HMGCS2: variants seen among roughly 807,000 people sequenced by gnomAD.
HMGCS2 encodes 3-hydroxy-3-methylglutaryl-CoA synthase 2.
HMGCS2 carries 50 observed loss-of-function variants against 57.4 expected under a neutral mutation model. That is an observed-to-expected ratio of 0.87 (90% CI 0.69 to 1.10). HMGCS2 has a LOEUF of 1.10. Ranked by LOEUF, HMGCS2 falls within the 50% of genes least tolerant of loss-of-function variation. The pLI is 0.00. For missense variants in HMGCS2, 627 were observed against 636.5 expected (o/e 0.99, Z 0.16); for synonymous variants, 254 against 245.1 (o/e 1.04, Z -0.34).
intron 2 of HMGCS2, 80 bp downstream of exon 2, chr1:119,764,092 G>A: frequency 8.1e-7 from 1 of 1,236,546 alleles, no homozygotes; most frequent in Non-Finnish European, 1.2e-6. Context: ...AAGCCACCTG[G>A]GGAACTGAAA....
intron 8 of HMGCS2, 87 bp downstream of exon 8, chr1:119,752,462 T>A (rs1652692004): frequency 1.9e-5 from 27 of 1,416,230 alleles, no homozygotes; most frequent in Non-Finnish European, 2.7e-5. Context: ...GACCCTGGAC[T>A]ACTAAATTCT....
At chr1:119,750,696 C>T (rs1652625060) in intron 9 of HMGCS2, 101 bp downstream of exon 9, 2 of 763,188 alleles carry the variant, frequency 2.6e-6, no homozygotes, top group African/African-American at 1.7e-5. Context: ...TTCCATTAAA[C>T]TTTCTTCTCC....
chr1:119,749,459 C>T (rs1652576372), intron 9 of HMGCS2, among the ~76,000 whole-genome samples: 1 of 150,314 alleles, frequency 6.7e-6, no homozygotes, highest in South Asian at 2.2e-4. Flanking sequence ...ATTTAACAGC[C>T]CCTCTTTGCT....
chr1:119,764,596 G>A lies in HMGCS2; in HGVS notation c.135C>T (p.Ala45=), dbSNP rs200816212. The change falls in exon 2 of 10, where the codon GCC becomes GCT. Residue 45 remains alanine (A), a synonymous_variant. Transcript: ENST00000369406. ...CGTCCTTTGGCCAAGTATCTGTTTTGGCCAGGGGGACAGCAGAGGCTGTAG... is the reference window on the plus strand; with the variant it reads ...CGTCCTTTGGCCAAGTATCTGTTTTAGCCAGGGGGACAGCAGAGGCTGTAG... The part of the protein sequence containing the change: ...RFSTASAVPL[A]KTDTWPKDVG... The A allele has an allele frequency of 4.3e-6, 7 of 1,613,972 alleles. No individual in the cohort carries two copies. In the Admixed American group the frequency reaches 1.2e-4, roughly 27 times the overall value.
chr1:119,752,427 C>T (rs1363049060), intron 8 of HMGCS2, 122 bp downstream of exon 8: 2 of 1,111,874 alleles, frequency 1.8e-6, no homozygotes, highest in Non-Finnish European at 2.7e-6. Flanking sequence ...CAAATCTTCT[C>T]CCAACCATAT....
At chr1:119,757,221 CCTT>C (rs1341264115) in intron 5 of HMGCS2, 49 bp downstream of exon 5, 49 of 1,613,134 alleles carry the variant, frequency 3.0e-5, no homozygotes, top group Non-Finnish European at 3.4e-6. Context: ...GAAGAAGCCT[CCTT>C]CTTGCTCACA....
rs760743623 is a variant in HMGCS2, at chr1:119,752,688, G to A, written c.1295-14C>T. On this transcript the variant is annotated splice_polypyrimidine_tract_variant and intron_variant, in intron 7 of 9. Transcript: ENST00000369406. ...CCAGGGGAGAGCCTGGGAAGCAAAA[G>A]CAAGATTGTTACACCTTTTTCATTG... is the stretch of plus-strand genomic sequence containing the variant. 1.2e-6 allele frequency: 2 copies of A among 1,613,900 alleles called. No individual in the cohort carries two copies. Among genetic ancestry groups the A allele is most frequent in the African/African-American group, 2.7e-5 (2 of 75,030 alleles).
chr1:119,752,253 C>T (rs905979577), intron 8 of HMGCS2, among the ~76,000 whole-genome samples: 1 of 152,152 alleles, frequency 6.6e-6, no homozygotes, highest in Non-Finnish European at 1.5e-5. Context: ...TCAACTGTTG[C>T]AGATGGTATT....
chr1:119,749,744 T>C (rs917316563), intron 9 of HMGCS2, among the ~76,000 whole-genome samples: 21 of 152,084 alleles, frequency 1.4e-4, no homozygotes, highest in African/African-American at 5.1e-4. Context: ...ACCCACTGAC[T>C]TCTTCCTTCC....
Position 119,765,926 on chromosome 1 carries a change from G to T in HMGCS2, c.105-1300C>A, listed in dbSNP as rs180803835. Among the ~76,000 whole-genome samples the T allele has an allele frequency of 9.2e-5, 14 of 152,278 alleles. No individual in the cohort carries two copies. The East Asian group carries it at 2.5e-3, about 27-fold the overall frequency. On this transcript the variant is annotated intron_variant, in intron 1 of 9. Transcript: ENST00000369406. Reference sequence around the variant, plus strand: ...AAGACATGCATTGTGCCCATAAAGAGAGCACAGCCCAGTGAAAGAAGCAGA... The same window carrying T: ...AAGACATGCATTGTGCCCATAAAGATAGCACAGCCCAGTGAAAGAAGCAGA...
chr1:119,748,387 TTC>T lies in HMGCS2; in HGVS notation c.*458_*459del, dbSNP rs1450484328. ...AAGAAACGCAGGAATCATTTCCTCT[TTC>T]TCTCTTTTTAATTGCTATATATTAG... On this transcript the variant is annotated 3_prime_UTR_variant, in exon 10 of 10. Transcript: ENST00000369406. The T allele has an allele frequency of 7.9e-5, 12 of 152,248 alleles. No individual in the cohort carries two copies. Among genetic ancestry groups the T allele is most frequent in the African/African-American group, 2.7e-4 (11 of 41,464 alleles). The allele number at this position is 152,248 out of a possible 1,614,324, so 9.4% of individuals were successfully genotyped here. A position where few individuals can be genotyped will look rare whatever the true frequency, so the allele number is the denominator to read the frequency against.
chr1:119,757,473 T>C (rs769672761), intron 4 of HMGCS2, 35 bp from the exon 5 acceptor site: 71 of 1,614,000 alleles, frequency 4.4e-5, no homozygotes, highest in Non-Finnish European at 5.4e-5. Flanking sequence ...GGATGGGGCA[T>C]GAGGGGCGAG....
At chr1:119,750,973 G>A in intron 8 of HMGCS2, 65 bp from the exon 9 acceptor site, 1 of 989,474 alleles carries the variant, frequency 1.0e-6, no homozygotes, top group Non-Finnish European at 1.6e-6. Flanking sequence ...AGAGAAAATA[G>A]TAATGAAGAT....
chr1:119,759,100 GC>G lies in HMGCS2; in HGVS notation c.850+17del, dbSNP rs1409583606. 1.2e-6 allele frequency: 2 copies of G among 1,613,836 alleles called. No homozygotes were observed. Among genetic ancestry groups the G allele is most frequent in the Non-Finnish European group, 1.7e-6 (2 of 1,179,732 alleles). On this transcript the variant is annotated intron_variant, in intron 4 of 9. Transcript: ENST00000369406. Reference sequence around the variant, plus strand: ...TATGTAAATAGAGCCCCCACTTTCTGCCCTCTGAATCTCATACCTTGCTTCC... The same window carrying G: ...TATGTAAATAGAGCCCCCACTTTCTGCCTCTGAATCTCATACCTTGCTTCC...
intron 8 of HMGCS2, 64 bp downstream of exon 8, chr1:119,752,484 GA>G: frequency 2.5e-6 from 4 of 1,575,730 alleles, no homozygotes; most frequent in Non-Finnish European, 3.5e-6. Context: ...GATTTCCAAA[GA>G]AATCCCTGGC....
chr1:119,753,258 C>A (rs756936515), intron 7 of HMGCS2, 22 bp downstream of exon 7: 2 of 1,435,800 alleles, frequency 1.4e-6, no homozygotes, highest in Non-Finnish European at 2.0e-6. Context: ...TCAGGAAGGC[C>A]TACTAGAAAG....
chr1:119,750,713 C>G, intron 9 of HMGCS2, 84 bp downstream of exon 9: 1 of 846,706 alleles, frequency 1.2e-6, no homozygotes, highest in Non-Finnish European at 2.0e-6. Context: ...CTCCCTGCAC[C>G]TGTCCCCACC....
At chr1:119,767,404 G>T (rs587652313) in intron 1 of HMGCS2, among the ~76,000 whole-genome samples, 46 of 152,288 alleles carry the variant, frequency 3.0e-4, no homozygotes, top group African/African-American at 1.1e-3. Flanking sequence ...GCCACGGCAG[G>T]GGGTGACTGA....
At chr1:119,751,156 A>G (rs587690547) in intron 8 of HMGCS2, among the ~76,000 whole-genome samples, 1 of 152,196 alleles carries the variant, frequency 6.6e-6, no homozygotes, top group East Asian at 1.9e-4. Context: ...AGAGTACAAC[A>G]TTTTCCTACA....
Sources: gnomAD v4.1 joint callset for allele counts (sites outside exome capture counted in the v4.1 genomes callset) on GRCh38, gnomAD v4.1.1 for gene constraint, MANE v1.5 for transcripts, NCBI Gene and HGNC (gene_info 2026-07-23, HGNC 2026-07-21) for gene names.